Variants in FUT8 observed in about 807,000 individuals in gnomAD.
FUT8 encodes fucosyltransferase 8.
Under a neutral mutation model 71.3 loss-of-function variants are expected in FUT8, and 29 were observed. The observed-to-expected ratio is 0.41, with a 90% CI of 0.30 to 0.55. The LOEUF (loss-of-function observed/expected upper bound fraction) is 0.55, where lower values mean the gene tolerates loss of function less well. Among genes scored for constraint, FUT8 ranks in the 20% least tolerant of loss-of-function variants. The probability of loss-of-function intolerance (pLI) is 0.34; values close to 1 mark genes in which losing one functional copy is unlikely to be tolerated. For missense variants in FUT8, 544 were observed against 702.1 expected, an observed-to-expected ratio of 0.77 and a Z score of 2.55; for synonymous variants, 254 against 239.3, an observed-to-expected ratio of 1.06 and a Z score of -0.57.
chr14:65,684,909 G>A (rs1488221703), intron 7 of FUT8, among the ~76,000 whole-genome samples: 1 of 152,056 alleles, frequency 6.6e-6, no homozygotes, highest in East Asian at 1.9e-4. Flanking sequence ...GCGTGAAAAT[G>A]GACTAATACA....
chr14:65,690,660 TAATGTA>T (rs998736507), intron 7 of FUT8, among the ~76,000 whole-genome samples: 28 of 152,092 alleles, frequency 1.8e-4, no homozygotes, highest in Admixed American at 1.4e-3. Context: ...ATTCTTGTGC[TAATGTA>T]AATGGTGGTG....
rs562986120 is a variant in FUT8 at position 65,447,589 on chromosome 14, A to AT, written c.-325-8025dup. Reference sequence around the variant, plus strand: ...AGATACCATTTTTTCAAATACATACATTTTTTTCAAATGGTATCTTGTCTG... The same window carrying AT: ...AGATACCATTTTTTCAAATACATACATTTTTTTTCAAATGGTATCTTGTCTG... On this transcript the variant is annotated intron_variant, in intron 1 of 10. Transcript: ENST00000673929. Among the ~76,000 whole-genome samples, 10 of 151,950 alleles carry AT rather than the reference A, an allele frequency of 6.6e-5. No homozygotes were observed. The East Asian group carries it at 7.8e-4, about 12-fold the overall frequency.
intron 9 of FUT8, among the ~76,000 whole-genome samples, chr14:65,727,455 G>A (rs187818650): frequency 2.7e-4 from 41 of 152,268 alleles, no homozygotes; most frequent in Admixed American, 1.6e-3. Flanking sequence ...CAAGGCTTGG[G>A]GCTTCCACCC....
intron 3 of FUT8, among the ~76,000 whole-genome samples, chr14:65,606,020 C>T (rs1402669512): frequency 6.6e-6 from 1 of 150,668 alleles, no homozygotes; most frequent in Non-Finnish European, 1.5e-5. Context: ...ATTTTCCATT[C>T]TCTTCTCTCC....
At position 65,669,573 on chromosome 14, in the gene FUT8, T is replaced by TA. The variant is rs1892380215; in HGVS notation, c.835+94dup. 3.7e-6 allele frequency: 3 copies of TA among 815,616 alleles called. No individual in the cohort carries two copies. The highest frequency in any genetic ancestry group is 6.2e-6 in the Non-Finnish European group (3 of 487,594). 50.5% of individuals were successfully genotyped at this position (815,616 alleles called of 1,614,324 possible). ...TAGGTAGACCTTCATGGAACATACT[T>TA]ATCTTTTCCTCTGGATCCATGAATA... On this transcript the variant is annotated intron_variant, in intron 7 of 10. Coordinates refer to ENST00000673929, the MANE Select transcript of FUT8 (RefSeq NM_001371533.1). The surrounding 1 kb of genome is among the most constrained non-coding windows in gnomAD (Gnocchi z 4.5).
chr14:65,552,119 T>A (rs1205274879), intron 2 of FUT8, among the ~76,000 whole-genome samples: 1 of 152,196 alleles, frequency 6.6e-6, no homozygotes, highest in African/African-American at 2.4e-5. Flanking sequence ...CAGTGTTCAA[T>A]TTTATGCTTA....
At chr14:65,649,350 T>G (rs1891253703) in intron 6 of FUT8, among the ~76,000 whole-genome samples, 1 of 152,250 alleles carries the variant, frequency 6.6e-6, no homozygotes, top group African/African-American at 2.4e-5. Context: ...ATTTTTAATC[T>G]GAATCTTCTT....
chr14:65,739,914 A>G (rs1896408907), intron 10 of FUT8, among the ~76,000 whole-genome samples: 2 of 152,066 alleles, frequency 1.3e-5, no homozygotes, highest in South Asian at 4.1e-4. Flanking sequence ...AAAGGAATCT[A>G]ATTACATTAG....
chr14:65,724,019 A>G (rs983136199), intron 8 of FUT8, 128 bp from the exon 9 acceptor site: 5 of 585,392 alleles, frequency 8.5e-6, no homozygotes, highest in South Asian at 9.8e-5. Flanking sequence ...ACTTTTTCTA[A>G]TAGTGAAAAT....
chr14:65,726,086 T>A (rs1895673424), intron 9 of FUT8, among the ~76,000 whole-genome samples: 1 of 152,146 alleles, frequency 6.6e-6, no homozygotes, highest in African/African-American at 2.4e-5. Flanking sequence ...AGTATAAGAA[T>A]GAGTTAATGT....
Position 65,691,201 on chromosome 14 carries a change from T to TG in FUT8, c.835+21722dup, listed in dbSNP as rs1292852809. Reference sequence around the variant, plus strand: ...TCATCTGTGAACAAAGATAGTTTTATGTCTTCCTTCCCAATCTGTATACCT... The same window carrying TG: ...TCATCTGTGAACAAAGATAGTTTTATGGTCTTCCTTCCCAATCTGTATACCT... On this transcript the variant is annotated intron_variant, in intron 7 of 10. Transcript: ENST00000673929. Among the ~76,000 whole-genome samples, 3 of 151,320 alleles carry TG rather than the reference T, an allele frequency of 2.0e-5. No individual in the cohort carries two copies. In the South Asian group the frequency reaches 6.2e-4, roughly 31 times the overall value.
intron 3 of FUT8, among the ~76,000 whole-genome samples, chr14:65,598,040 G>A (rs1477570928): frequency 6.6e-6 from 1 of 152,054 alleles, no homozygotes; most frequent in Non-Finnish European, 1.5e-5. Flanking sequence ...GGGCATGGTG[G>A]CGTACACATG....
At chr14:65,618,010 C>CATATATATAT (rs149450437) in intron 5 of FUT8, among the ~76,000 whole-genome samples, 17 of 86,992 alleles carry the variant, frequency 2.0e-4, no homozygotes, top group African/African-American at 3.5e-4. Context: ...AAAATTAATT[C>CATATATATAT]ATATATATAT....
chr14:65,499,096 G>A (rs2066605287), intron 2 of FUT8, among the ~76,000 whole-genome samples: 2 of 152,072 alleles, frequency 1.3e-5, no homozygotes. Context: ...TTTTCTTCAA[G>A]CGACAGTGAT....
At chr14:65,601,193 C>T (rs1193869758) in intron 3 of FUT8, among the ~76,000 whole-genome samples, 1 of 152,050 alleles carries the variant, frequency 6.6e-6, no homozygotes, top group African/African-American at 2.4e-5. Context: ...CACACTTTTG[C>T]ACATTAGGTA....
At chr14:65,564,710 A>C (rs1886096529) in intron 3 of FUT8, among the ~76,000 whole-genome samples, 1 of 151,890 alleles carries the variant, frequency 6.6e-6, no homozygotes, top group Non-Finnish European at 1.5e-5. Context: ...CTGGCACTTA[A>C]CTGATCTGAT....
Position 65,733,384 on chromosome 14 carries a change from A to G in FUT8, c.1410+3A>G, listed in dbSNP as rs762099598. 42 of 1,578,854 alleles carry G rather than the reference A, an allele frequency of 2.7e-5. No individual in the cohort carries two copies. Among genetic ancestry groups the G allele is most frequent in the Non-Finnish European group, 3.3e-5 (38 of 1,163,874 alleles). ...TAGTGTGTACTTTTTCATCCCAGGT[A>G]AGTGTCAGTAGGGCATTTTAAAATA... On this transcript the variant is annotated splice_donor_region_variant and intron_variant, in intron 10 of 10. Coordinates refer to ENST00000673929, the MANE Select transcript of FUT8 (RefSeq NM_001371533.1).
chr14:65,700,381 G>GTTTTTTTTTTTTT (rs763718984), intron 7 of FUT8, among the ~76,000 whole-genome samples: 7 of 48,848 alleles, frequency 1.4e-4, no homozygotes, highest in African/African-American at 4.2e-4. Flanking sequence ...CTTTCTTTCT[G>GTTTTTTTTTTTTT]TTTTTTTTTT....
intron 7 of FUT8, among the ~76,000 whole-genome samples, chr14:65,691,096 G>GT (rs1893560837): frequency 2.0e-5 from 3 of 151,194 alleles, no homozygotes; most frequent in Admixed American, 2.0e-4. Flanking sequence ...TCCAGCAGGG[G>GT]TTTTTTGCTG....
Sources: gnomAD v4.1 joint callset for allele counts (sites outside exome capture counted in the v4.1 genomes callset) on GRCh38, gnomAD v4.1.1 for gene constraint, Gnocchi (gnomAD v3.1) non-coding constraint, MANE v1.5 for transcripts, NCBI Gene and HGNC (gene_info 2026-07-23, HGNC 2026-07-21) for gene names.